Variants in SOX5 observed in about 807,000 individuals in gnomAD.
SOX5 encodes the protein SRY-box transcription factor 5.
In SOX5, 9 loss-of-function variants were observed where a neutral mutation model predicts 92.0. The observed-to-expected ratio is 0.10, with a 90% CI of 0.06 to 0.17. The LOEUF (loss-of-function observed/expected upper bound fraction) is 0.17, where lower values mean the gene tolerates loss of function less well. Ranked by LOEUF, SOX5 falls within the 10% of genes least tolerant of loss-of-function variation. SOX5 has a pLI of 1.00. For missense variants in SOX5, 642 were observed against 944.5 expected, an observed-to-expected ratio of 0.68 and a Z score of 4.20; for synonymous variants, 344 against 336.3, an observed-to-expected ratio of 1.02 and a Z score of -0.25.
chr12:24,371,971 G>C (rs1956784947), intron 1 of SOX5, among the ~76,000 whole-genome samples: 1 of 151,590 alleles, frequency 6.6e-6, no homozygotes, highest in South Asian at 2.1e-4. Flanking sequence ...GTGGGTGACA[G>C]AGTGAGACTC....
chr12:24,344,454 TA>T (rs573031344), intron 2 of SOX5, among the ~76,000 whole-genome samples: 5 of 152,230 alleles, frequency 3.3e-5, no homozygotes, highest in Non-Finnish European at 7.4e-5. Flanking sequence ...CTGACATGTC[TA>T]AGGACTGCTG....
At chr12:24,556,465 G>A (rs544196864) in intron 1 of SOX5, among the ~76,000 whole-genome samples, 12 of 152,286 alleles carry the variant, frequency 7.9e-5, no homozygotes, top group African/African-American at 2.6e-4. Context: ...TCTCTTTGAA[G>A]GACTGTTGAC....
intron 1 of SOX5, among the ~76,000 whole-genome samples, chr12:24,428,318 T>C (rs1966912096): frequency 6.6e-6 from 1 of 152,092 alleles, no homozygotes; most frequent in African/African-American, 2.4e-5. Context: ...GCTCTTCTCT[T>C]CAAATTTCCA....
At chr12:24,085,584 G>A (rs771114968) in intron 4 of SOX5, among the ~76,000 whole-genome samples, 3 of 151,932 alleles carry the variant, frequency 2.0e-5, no homozygotes, top group African/African-American at 2.4e-5. Context: ...TAATATATAC[G>A]TGTGCTAATA....
intron 4 of SOX5, among the ~76,000 whole-genome samples, chr12:24,197,570 G>A (rs906703303): frequency 1.3e-5 from 2 of 152,088 alleles, no homozygotes; most frequent in Non-Finnish European, 2.9e-5. Flanking sequence ...AAATGGAAGT[G>A]GGGGCGGGAT....
chr12:24,333,459 G>C (rs1448519245), intron 2 of SOX5, among the ~76,000 whole-genome samples: 1 of 151,976 alleles, frequency 6.6e-6, no homozygotes, highest in Non-Finnish European at 1.5e-5. Flanking sequence ...GGGATCTTAA[G>C]AGATTTATCC....
At chr12:23,560,149 TC>T (rs746543758) in intron 11 of SOX5, among the ~76,000 whole-genome samples, 2 of 152,064 alleles carry the variant, frequency 1.3e-5, no homozygotes, top group African/African-American at 4.8e-5. Flanking sequence ...GACCTCGTGA[TC>T]CCCCCGCCTC....
chr12:23,818,748 C>T (rs2096050397), intron 3 of SOX5, among the ~76,000 whole-genome samples: 1 of 152,030 alleles, frequency 6.6e-6, no homozygotes, highest in African/African-American at 2.4e-5. Flanking sequence ...CATATTATTT[C>T]CTTATATCCT....
chr12:23,983,026 C>T (rs539398638), intron 4 of SOX5, among the ~76,000 whole-genome samples: 22 of 151,810 alleles, frequency 1.4e-4, no homozygotes, highest in Admixed American at 2.6e-4. Flanking sequence ...TAGCCCAGCA[C>T]GATCAAGATC....
chr12:24,281,928 A>C (rs568949864), intron 2 of SOX5, among the ~76,000 whole-genome samples: 4 of 152,204 alleles, frequency 2.6e-5, no homozygotes, highest in Non-Finnish European at 4.4e-5. Context: ...CATCCCAAAA[A>C]AGAGGGTAAG....
chr12:24,171,037 T>C lies in SOX5; in HGVS notation c.-2+42306A>G, dbSNP rs139920910. On this transcript the variant is annotated intron_variant, in intron 4 of 4. Coordinates refer to the SOX5 transcript ENST00000446891. ...CAGAGTACAGTGGTCCTAGGTAGGCTTGGTAGTTAAACTAGGTGCTGTAGC... is the reference window on the plus strand; with the variant it reads ...CAGAGTACAGTGGTCCTAGGTAGGCCTGGTAGTTAAACTAGGTGCTGTAGC... 5.1e-3 allele frequency among the ~76,000 whole-genome samples: 773 copies of C among 152,104 alleles called. 11 individuals carry two copies. Among genetic ancestry groups the C allele is most frequent in the African/African-American group, 0.018 (733 of 41,466 alleles).
intron 1 of SOX5, among the ~76,000 whole-genome samples, chr12:24,515,751 T>C (rs958420512): frequency 2.6e-5 from 4 of 152,190 alleles, no homozygotes; most frequent in African/African-American, 4.8e-5. Flanking sequence ...ACTTTGTCTA[T>C]ATACATTTCC....
chr12:24,112,290 T>A (rs1199356526), intron 4 of SOX5, among the ~76,000 whole-genome samples: 1 of 152,110 alleles, frequency 6.6e-6, no homozygotes, highest in Non-Finnish European at 1.5e-5. Context: ...TCAAAAAAGT[T>A]TTATGGAAAC....
intron 6 of SOX5, among the ~76,000 whole-genome samples, chr12:23,697,313 A>T (rs180796382): frequency 4.1e-4 from 62 of 152,312 alleles, no homozygotes; most frequent in East Asian, 4.0e-3. Flanking sequence ...AAATTGTAAA[A>T]TGACTCTTGG....
intron 8 of SOX5, among the ~76,000 whole-genome samples, chr12:23,615,743 TA>T (rs2076480488): frequency 6.6e-6 from 1 of 152,224 alleles, no homozygotes; most frequent in Non-Finnish European, 1.5e-5. Context: ...ATCCAATTTA[TA>T]TTTCTTTAGG....
intron 4 of SOX5, among the ~76,000 whole-genome samples, chr12:24,039,498 G>GA (rs1209057840): frequency 6.6e-6 from 1 of 151,810 alleles, no homozygotes; most frequent in Admixed American, 6.6e-5. Flanking sequence ...GTTGCAACCA[G>GA]AAAAAAATAA....
At chr12:24,487,554 A>G (rs1169420523) in intron 1 of SOX5, among the ~76,000 whole-genome samples, 1 of 152,178 alleles carries the variant, frequency 6.6e-6, no homozygotes, top group African/African-American at 2.4e-5. Flanking sequence ...TTTCCCTAAT[A>G]TTATTTGAAT....
At chr12:23,539,370 C>T (rs563341446) in intron 13 of SOX5, among the ~76,000 whole-genome samples, 13 of 152,092 alleles carry the variant, frequency 8.5e-5, no homozygotes, top group African/African-American at 2.4e-4. Context: ...AGGGAATATA[C>T]ATTAAATATC....
At chr12:23,647,169 A>G (rs1213595030) in intron 7 of SOX5, among the ~76,000 whole-genome samples, 1 of 152,214 alleles carries the variant, frequency 6.6e-6, no homozygotes, top group Non-Finnish European at 1.5e-5. Flanking sequence ...CATGAAAACA[A>G]CATCCATCTC....
Sources: gnomAD v4.1 joint callset for allele counts (sites outside exome capture counted in the v4.1 genomes callset) on GRCh38, gnomAD v4.1.1 for gene constraint, MANE v1.5 for transcripts, NCBI Gene and HGNC (gene_info 2026-07-23, HGNC 2026-07-21) for gene names.